Variants in SDF4 observed in about 807,000 individuals in gnomAD.
The protein encoded by SDF4 is stromal cell derived factor 4, also known as 45 kDa calcium-binding protein.
A neutral mutation model predicts 34.2 loss-of-function variants in SDF4; 22 were observed. The observed-to-expected ratio is 0.64, with a 90% confidence interval of 0.46 to 0.92. The LOEUF (loss-of-function observed/expected upper bound fraction) is 0.92. SDF4 is among the 40% of genes least tolerant of loss of function. The pLI, the probability that SDF4 is intolerant of heterozygous loss-of-function variation, is 0.00. For missense variants in SDF4, 447 were observed against 499.9 expected (o/e 0.89, Z 1.01); for synonymous variants, 236 against 203.1 (o/e 1.16, Z -1.38).
At position 1,218,607 on chromosome 1, in the gene SDF4, C is replaced by G. The variant is rs1011614098; in HGVS notation, c.742G>C (p.Val248Leu). 21 of 1,613,884 alleles carry G rather than the reference C, an allele frequency of 1.3e-5. No homozygotes were observed. Among genetic ancestry groups the G allele is most frequent in the Admixed American group, 1.7e-5 (1 of 60,008 alleles). ...ACGGGCAGGGAGATGAACTCGGGCA[C>G]AGAGAGCTGCTTGTCACCGTCCTGG... ...LDQDGDKQLSVPEFISLPVGT... is the reference protein window; with the variant it reads ...LDQDGDKQLSLPEFISLPVGT... Residue 248 changes from valine to leucine, a missense_variant, in exon 6 of 7, where the codon GTG becomes CTG. Physicochemically the swap from Val to Leu is conservative, Grantham distance 32. Transcript: ENST00000360001. This position sits in a 1 kb window ranked among gnomAD's most constrained non-coding sequence, Gnocchi z 7.9.
chr1:1,231,105 A>G (rs1302994402), intron 1 of SDF4, among the ~76,000 whole-genome samples: 1 of 152,268 alleles, frequency 6.6e-6, no homozygotes, highest in Non-Finnish European at 1.5e-5. Context: ...AAAAGGGGGA[A>G]TAAAAAGTAA....
At position 1,219,587 on chromosome 1, in the gene SDF4, G is replaced by C. The variant is rs1232908854; in HGVS notation, c.557-660C>G. 7 of 987,100 alleles carry C rather than the reference G, an allele frequency of 7.1e-6. No individual in the cohort carries two copies. The African/African-American group carries it at 1.2e-4, about 17-fold the overall frequency. 61.1% of individuals were successfully genotyped at this position (987,100 alleles called of 1,614,324 possible). A position where few individuals can be genotyped will look rare whatever the true frequency, so the allele number is the denominator to read the frequency against. ...GACTGGGGCTGAGCAGAGCTTCCCAGGAACCCTCCCAGCCGGGACACGGCA... is the reference window on the plus strand; with the variant it reads ...GACTGGGGCTGAGCAGAGCTTCCCACGAACCCTCCCAGCCGGGACACGGCA... On this transcript the variant is annotated intron_variant, in intron 4 of 6. Coordinates refer to ENST00000360001, the MANE Select transcript of SDF4 (RefSeq NM_016176.6).
intron 4 of SDF4, chr1:1,220,109 A>G: frequency 2.0e-6 from 2 of 987,078 alleles, no homozygotes; most frequent in Non-Finnish European, 2.4e-6. Flanking sequence ...CGCTTTCTCC[A>G]GCACAGGATT....
intron 1 of SDF4, 80 bp from the exon 2 acceptor site, chr1:1,229,026 T>C (rs956417228): frequency 1.8e-5 from 10 of 554,198 alleles, no homozygotes; most frequent in South Asian, 1.5e-4. Context: ...ACATGAAACA[T>C]ATCCTCGATT....
chr1:1,228,249 C>T (rs769640137), intron 2 of SDF4, among the ~76,000 whole-genome samples: 2 of 152,252 alleles, frequency 1.3e-5, no homozygotes, highest in South Asian at 2.1e-4. Flanking sequence ...TCTGAGCCCC[C>T]GGCGGACCCA....
At chr1:1,219,432 C>T in intron 4 of SDF4, 1 of 1,015,774 alleles carries the variant, frequency 9.8e-7, no homozygotes, top group African/African-American at 1.7e-5. Flanking sequence ...GCCTGCCCCT[C>T]TGGAGGAGCG....
intron 2 of SDF4, among the ~76,000 whole-genome samples, chr1:1,226,227 G>A (rs1282472652): frequency 2.0e-5 from 3 of 152,226 alleles, no homozygotes; most frequent in Non-Finnish European, 2.9e-5. Context: ...GAAGCGGGAA[G>A]GAAAGCCTGG....
rs942999370 is a variant in SDF4 at position 1,217,099 on chromosome 1, T to C, written c.*413A>G. ...CCAGCGAAGTTTAATCTATTTTTAATAATCGTTCAGTTTTCAAGGAAATGG... is the reference window on the plus strand; with the variant it reads ...CCAGCGAAGTTTAATCTATTTTTAACAATCGTTCAGTTTTCAAGGAAATGG... On this transcript the variant is annotated 3_prime_UTR_variant, in exon 7 of 7. Coordinates refer to ENST00000360001, the MANE Select transcript of SDF4 (RefSeq NM_016176.6). The surrounding 1 kb of genome is among the most constrained non-coding windows in gnomAD (Gnocchi z 8.5). 3 of 152,356 alleles carry C rather than the reference T, an allele frequency of 2.0e-5. No homozygotes were observed. The highest frequency in any genetic ancestry group is 7.2e-5 in the African/African-American group (3 of 41,446). The allele number at this position is 152,356 out of a possible 1,614,324, so 9.4% of individuals were successfully genotyped here. A position where few individuals can be genotyped will look rare whatever the true frequency, so the allele number is the denominator to read the frequency against.
At position 1,220,172 on chromosome 1, in the gene SDF4, T is replaced by C. The variant is rs1171313152; in HGVS notation, c.557-1245A>G. Reference sequence around the variant, plus strand: ...CAACCTCAGGCTGGTGAAGAAGCCTTGAGTCCCAGTCCCTCCCCACGAGCC... The same window carrying C: ...CAACCTCAGGCTGGTGAAGAAGCCTCGAGTCCCAGTCCCTCCCCACGAGCC... On this transcript the variant is annotated intron_variant, in intron 4 of 6. Coordinates refer to ENST00000360001, the MANE Select transcript of SDF4 (RefSeq NM_016176.6). 1.0e-5 allele frequency: 10 copies of C among 988,890 alleles called. No individual in the cohort carries two copies. In the Admixed American group the frequency reaches 5.4e-4, roughly 53 times the overall value. 61.3% of individuals were successfully genotyped at this position (988,890 alleles called of 1,614,324 possible). A position where few individuals can be genotyped will look rare whatever the true frequency, so the allele number is the denominator to read the frequency against.
chr1:1,223,862 G>C lies in SDF4; in HGVS notation c.412C>G (p.His138Asp). 6.2e-7 allele frequency: 1 copy of C among 1,605,158 alleles called. No individual in the cohort carries two copies. The highest frequency in any genetic ancestry group is 8.5e-7 in the Non-Finnish European group (1 of 1,179,136). ...FQEAMEESKT[H>D]FRAVDPDGDG... ...CCGTCAGGGTCCACGGCGCGGAAGTGTGTCTTGCTCTCCTCCATGGCCTCC... is the reference window on the plus strand; with the variant it reads ...CCGTCAGGGTCCACGGCGCGGAAGTCTGTCTTGCTCTCCTCCATGGCCTCC... Residue 138 changes from histidine to aspartate, a missense_variant, in exon 3 of 7, where the codon CAC becomes GAC. By Grantham distance (81) the His-to-Asp change is moderately conservative. Transcript: ENST00000360001.
Position 1,228,535 on chromosome 1 carries a change from G to C in SDF4, c.238C>G (p.Leu80Val). ...FHQEVFLGKD[L>V]GGFDEDAEPR... ...TCCGCGTCCTCATCAAAGCCACCCA[G>C]GTCCTTGCCTAGGAAGACCTCCTGG... The change falls in exon 2 of 7, where the codon CTG becomes GTG. Residue 80 changes from leucine to valine, a missense_variant. By Grantham distance (32) the Leu-to-Val change is conservative. Coordinates refer to ENST00000360001, the MANE Select transcript of SDF4 (RefSeq NM_016176.6). The C allele has an allele frequency of 3.7e-6, 6 of 1,612,930 alleles. No homozygotes were observed. Among genetic ancestry groups the C allele is most frequent in the Non-Finnish European group, 5.1e-6 (6 of 1,179,954 alleles).
At position 1,228,596 on chromosome 1, in the gene SDF4, C is replaced by T; in HGVS notation, c.177G>A (p.Lys59=). ...GATTGAGGTGCCCGTCCATCTCCAG[C>T]TTCACCCCGTTCAGGTGGTCTGGGG... is the stretch of plus-strand genomic sequence containing the variant. The part of the protein sequence containing the change: ...ILPPDHLNGV[K]LEMDGHLNRG... The change falls in exon 2 of 7, where the codon AAG becomes AAA. Residue 59 remains lysine (K), a synonymous_variant. Transcript: ENST00000360001. 6.2e-7 allele frequency: 1 copy of T among 1,613,256 alleles called. No homozygotes were observed. The highest frequency in any genetic ancestry group is 8.5e-7 in the Non-Finnish European group (1 of 1,180,018).
At position 1,218,025 on chromosome 1, in the gene SDF4, G is replaced by A. The variant is rs1255814257; in HGVS notation, c.892-337C>T. The stretch of plus-strand genomic sequence containing the variant: ...AAAACAAGATGACTCACTCAGCAGT[G>A]GGAGAAAAACAAGCCTACACATGAT... On this transcript the variant is annotated intron_variant, in intron 6 of 6. Transcript: ENST00000360001. The surrounding 1 kb of genome is among the most constrained non-coding windows in gnomAD (Gnocchi z 7.9). Among the ~76,000 whole-genome samples, 1 of 152,194 alleles carries A rather than the reference G, an allele frequency of 6.6e-6. No individual in the cohort carries two copies. The highest frequency in any genetic ancestry group is 1.5e-5 in the Non-Finnish European group (1 of 68,030).
Position 1,218,574 on chromosome 1 carries a change from C to T in SDF4, c.775G>A (p.Val259Met), listed in dbSNP as rs756138743. The T allele has an allele frequency of 1.5e-5, 24 of 1,613,970 alleles. No homozygotes were observed. The highest frequency in any genetic ancestry group is 2.2e-5 in the East Asian group (1 of 44,896). The change falls in exon 6 of 7, where the codon GTG becomes ATG. Residue 259 changes from valine (V) to methionine (M), a missense_variant. Physicochemically the swap from Val to Met is conservative, Grantham distance 21 (BLOSUM62 1). Transcript: ENST00000360001. The surrounding 1 kb of genome is among the most constrained non-coding windows in gnomAD (Gnocchi z 7.9). ...PEFISLPVGTVENQQGQDIDD... is the reference protein window; with the variant it reads ...PEFISLPVGTMENQQGQDIDD... ...ATGTCCTGGCCCTGCTGGTTCTCCA[C>T]GGTGCCCACGGGCAGGGAGATGAAC...
At chr1:1,223,708 C>T (rs938974833) in intron 3 of SDF4, 124 bp downstream of exon 3, 884 of 952,444 alleles carry the variant, frequency 9.3e-4, no homozygotes, top group Non-Finnish European at 1.2e-3. Flanking sequence ...TCGGGGTCTC[C>T]GGCTGACACT....
chr1:1,219,092 G>A (rs1649736445), intron 4 of SDF4, 165 bp from the exon 5 acceptor site: 7 of 1,538,296 alleles, frequency 4.6e-6, no homozygotes, highest in Non-Finnish European at 6.1e-6. Context: ...CAGCCCCTAA[G>A]ACACAGCCTG....
In SDF4 at chr1:1,217,693, G is replaced by A. The variant is rs199825378; in HGVS notation, c.892-5C>T. On this transcript the variant is annotated splice_polypyrimidine_tract_variant and splice_region_variant and intron_variant, in intron 6 of 6. Transcript: ENST00000360001. The surrounding 1 kb of genome is among the most constrained non-coding windows in gnomAD (Gnocchi z 8.5). ...GTTCATGGGGTCCATGTAGCTCTGC[G>A]GGCGAGCGGGGCACAGGTCAGCGTC... 6.8e-5 allele frequency: 109 copies of A among 1,613,602 alleles called. No individual in the cohort carries two copies. In the East Asian group the frequency reaches 1.9e-3, roughly 28 times the overall value.
At chr1:1,221,779 G>A (rs746108720) in intron 4 of SDF4, among the ~76,000 whole-genome samples, 4 of 152,154 alleles carry the variant, frequency 2.6e-5, no homozygotes, top group Non-Finnish European at 2.9e-5. Context: ...CGGCCAACAC[G>A]GCAGAATCTA....
intron 4 of SDF4, chr1:1,219,435 G>C: frequency 9.8e-7 from 1 of 1,015,674 alleles, no homozygotes; most frequent in Non-Finnish European, 1.2e-6. Context: ...TGCCCCTCTG[G>C]AGGAGCGGAA....
Sources: allele counts gnomAD v4.1 joint callset (sites outside exome capture counted in the v4.1 genomes callset), GRCh38; gene constraint gnomAD v4.1.1; non-coding constraint Gnocchi (gnomAD v3.1); transcripts MANE v1.5; gene names NCBI Gene and HGNC (gene_info 2026-07-23, HGNC 2026-07-21).